Variants in TTC27 observed in about 807,000 individuals in gnomAD.
The protein encoded by TTC27 is tetratricopeptide repeat domain 27, also known as tetratricopeptide repeat protein 27.
In TTC27, 79 loss-of-function variants were observed where a neutral mutation model predicts 115.9. The observed-to-expected ratio is 0.68, with a 90% confidence interval of 0.57 to 0.82. The LOEUF (loss-of-function observed/expected upper bound fraction) is 0.82, where lower values mean the gene tolerates loss of function less well. TTC27 is among the 40% of genes least tolerant of loss of function. TTC27 has a pLI of 0.00. For missense variants in TTC27, 1,054 were observed against 993.1 expected, an observed-to-expected ratio of 1.06 and a Z score of -0.82; for synonymous variants, 401 against 356.0, an observed-to-expected ratio of 1.13 and a Z score of -1.42.
chr2:32,788,283 A>G (rs1461916199), intron 16 of TTC27, among the ~76,000 whole-genome samples: 2 of 152,210 alleles, frequency 1.3e-5, no homozygotes, highest in Admixed American at 1.3e-4. Flanking sequence ...TCATTTAGAC[A>G]TCGCTGCTGG....
rs868708080 is a variant in TTC27 at position 32,630,638 on chromosome 2, C to G, written c.204C>G (p.Ser68Arg). 6.2e-7 allele frequency: 1 copy of G among 1,613,814 alleles called. No homozygotes were observed. Among genetic ancestry groups the G allele is most frequent in the Non-Finnish European group, 8.5e-7 (1 of 1,179,910 alleles). Reference sequence around the variant, plus strand: ...CAACCGCTGAAGAAAAGATTGATAGCTACCTGGAGAAGCAGGTAGTAACAT... The same window carrying G: ...CAACCGCTGAAGAAAAGATTGATAGGTACCTGGAGAAGCAGGTAGTAACAT... ...STTTAEEKID[S>R]YLEKQVVTFL... is the part of the protein sequence containing the mutation. The change falls in exon 2 of 20, where the codon AGC becomes AGG. Residue 68 changes from serine to arginine, a missense_variant. Ser to Arg is a moderately radical substitution (Grantham distance 110). Coordinates refer to ENST00000317907, the MANE Select transcript of TTC27 (RefSeq NM_017735.5).
intron 13 of TTC27, among the ~76,000 whole-genome samples, chr2:32,776,077 A>G (rs1470062201): frequency 6.6e-6 from 1 of 152,194 alleles, no homozygotes; most frequent in Non-Finnish European, 1.5e-5. Context: ...GTTTCAACCT[A>G]GTACCTCTGC....
At chr2:32,697,923 T>C (rs1667047855) in intron 9 of TTC27, among the ~76,000 whole-genome samples, 1 of 151,994 alleles carries the variant, frequency 6.6e-6, no homozygotes, top group Non-Finnish European at 1.5e-5. Context: ...AGTTAATTTT[T>C]GTTATTTTTA....
intron 8 of TTC27, 143 bp from the exon 9 acceptor site, chr2:32,678,713 C>T (rs1228287029): frequency 3.6e-6 from 2 of 555,026 alleles, no homozygotes; most frequent in African/African-American, 3.8e-5. Context: ...AGGTGTGAGC[C>T]ACTGTGCCCG....
At chr2:32,648,997 G>T (rs890952486) in intron 4 of TTC27, among the ~76,000 whole-genome samples, 1 of 152,086 alleles carries the variant, frequency 6.6e-6, no homozygotes, top group Non-Finnish European at 1.5e-5. Context: ...GGGCGACAGA[G>T]TCAGACCTTG....
At chr2:32,670,810 G>T (rs1158999261) in intron 7 of TTC27, among the ~76,000 whole-genome samples, 2 of 151,664 alleles carry the variant, frequency 1.3e-5, no homozygotes, top group Non-Finnish European at 2.9e-5. Flanking sequence ...TAGAGACGGG[G>T]TTTTTGCCAT....
At chr2:32,673,458 C>T (rs1196102675) in intron 8 of TTC27, among the ~76,000 whole-genome samples, 2 of 152,064 alleles carry the variant, frequency 1.3e-5, no homozygotes, top group African/African-American at 4.8e-5. Flanking sequence ...AACTCCTGAC[C>T]TCAGCTGATC....
chr2:32,754,563 A>G (rs1245106313), intron 12 of TTC27, among the ~76,000 whole-genome samples: 6 of 149,118 alleles, frequency 4.0e-5, no homozygotes, highest in Non-Finnish European at 6.0e-5. Flanking sequence ...CAGACACAGC[A>G]ACCATCCGAT....
At chr2:32,629,354 A>G (rs1448824847) in intron 1 of TTC27, among the ~76,000 whole-genome samples, 2 of 151,862 alleles carry the variant, frequency 1.3e-5, no homozygotes, top group African/African-American at 4.8e-5. Flanking sequence ...TCCTGACCTC[A>G]GGTGATCCAC....
chr2:32,753,562 G>C (rs1472437957), intron 12 of TTC27, among the ~76,000 whole-genome samples: 2 of 147,866 alleles, frequency 1.4e-5, no homozygotes, highest in African/African-American at 5.0e-5. Context: ...TGATTCTCCT[G>C]CCTCAGCCTC....
At chr2:32,663,963 G>A (rs1320111765) in intron 5 of TTC27, among the ~76,000 whole-genome samples, 1 of 151,464 alleles carries the variant, frequency 6.6e-6, no homozygotes, top group Non-Finnish European at 1.5e-5. Context: ...GATTACAGGC[G>A]TGAGCCACTG....
intron 4 of TTC27, among the ~76,000 whole-genome samples, chr2:32,641,827 C>G (rs1003543029): frequency 1.3e-5 from 2 of 150,916 alleles, no homozygotes; most frequent in African/African-American, 4.9e-5. Context: ...TACAGGCATG[C>G]GTCACCATGT....
At chr2:32,814,693 ATACT>A (rs1028970950) in intron 18 of TTC27, among the ~76,000 whole-genome samples, 4 of 152,214 alleles carry the variant, frequency 2.6e-5, no homozygotes, top group Admixed American at 6.5e-5. Context: ...AGATAGACAA[ATACT>A]TACCATTGTG....
intron 12 of TTC27, among the ~76,000 whole-genome samples, chr2:32,754,526 A>T (rs2147988414): frequency 6.7e-6 from 1 of 149,456 alleles, no homozygotes; most frequent in Middle Eastern, 3.5e-3. Context: ...CAAAATGAAA[A>T]GTCTCCCATG....
chr2:32,732,217 G>C (rs1179329342), intron 10 of TTC27, among the ~76,000 whole-genome samples: 1 of 152,146 alleles, frequency 6.6e-6, no homozygotes, highest in Non-Finnish European at 1.5e-5. Flanking sequence ...CAACTAAACA[G>C]CTTTGGGCAG....
chr2:32,722,233 T>C (rs567636113), intron 10 of TTC27, among the ~76,000 whole-genome samples: 1 of 152,326 alleles, frequency 6.6e-6, no homozygotes, highest in Admixed American at 6.5e-5. Context: ...GATTTTCACA[T>C]ATCTGAGATA....
intron 9 of TTC27, among the ~76,000 whole-genome samples, chr2:32,683,553 G>C (rs914303933): frequency 1.3e-5 from 2 of 152,126 alleles, no homozygotes; most frequent in Admixed American, 1.3e-4. Flanking sequence ...TTTTAATTTA[G>C]CAAAGTCAGA....
chr2:32,635,542 G>A (rs1386152315), intron 3 of TTC27, among the ~76,000 whole-genome samples: 1 of 152,014 alleles, frequency 6.6e-6, no homozygotes, highest in Non-Finnish European at 1.5e-5. Flanking sequence ...AAATTAGCCG[G>A]GTGTGGTGGT....
At chr2:32,663,479 G>A (rs1228590052) in intron 5 of TTC27, among the ~76,000 whole-genome samples, 3 of 152,138 alleles carry the variant, frequency 2.0e-5, no homozygotes, top group East Asian at 1.9e-4. Flanking sequence ...GCTTTGGCCC[G>A]CCCTCCATGG....
Sources: allele counts gnomAD v4.1 joint callset (sites outside exome capture counted in the v4.1 genomes callset), GRCh38; gene constraint gnomAD v4.1.1; transcripts MANE v1.5; gene names NCBI Gene and HGNC (gene_info 2026-07-23, HGNC 2026-07-21).